TMEM101: variants seen among roughly 807,000 people sequenced by gnomAD.
TMEM101 encodes the protein transmembrane protein 101.
A neutral mutation model predicts 26.0 loss-of-function variants in TMEM101; 14 were observed. The observed-to-expected ratio is 0.54, with a 90% CI of 0.36 to 0.84. The LOEUF (loss-of-function observed/expected upper bound fraction) is 0.84, where lower values mean the gene tolerates loss of function less well. Ranked by LOEUF, TMEM101 falls within the 40% of genes least tolerant of loss-of-function variation. The pLI is 0.01. For missense variants in TMEM101, 292 were observed against 345.1 expected (o/e 0.85, Z 1.22); for synonymous variants, 152 against 145.1 (o/e 1.05, Z -0.34).
In TMEM101 at chr17:44,014,357, C is replaced by CTTCA. The variant is rs1567946956; in HGVS notation, c.314_317dup (p.Lys106AsnfsTer115). On this transcript the variant is annotated frameshift_variant and splice_region_variant, in exon 2 of 4. Transcript: ENST00000206380. LOFTEE classifies it high-confidence loss of function. ...ACCCTTTTGGGGCCGAGGCGCTCAC[C>CTTCA]TTCAGCCAGTCCCCGTAGTGGACGT... 1 of 1,550,548 alleles carries CTTCA rather than the reference C, an allele frequency of 6.4e-7. No individual in the cohort carries two copies. Among genetic ancestry groups the CTTCA allele is most frequent in the South Asian group, 1.2e-5 (1 of 84,160 alleles).
At chr17:44,015,092 G>C (rs1228173081), upstream of TMEM101, 2 of 1,229,432 alleles carry the variant, frequency 1.6e-6, no homozygotes, top group Non-Finnish European at 2.2e-6. Flanking sequence ...CGGATCTAAG[G>C]TGACCCAGTT....
At chr17:44,022,575 C>T (rs370628335) in intron 1 of TMEM101, among the ~76,000 whole-genome samples, 3 of 152,238 alleles carry the variant, frequency 2.0e-5, no homozygotes, top group African/African-American at 7.2e-5. Context: ...GCACCATCCA[C>T]GCAGGGAAAT....
chr17:44,017,987 T>C (rs552788576), upstream of TMEM101, among the ~76,000 whole-genome samples: 1 of 152,188 alleles, frequency 6.6e-6, no homozygotes, highest in East Asian at 1.9e-4. Context: ...TAGCTGGGCA[T>C]GGTGGCGGGA....
At chr17:44,017,319 G>C (rs1437581212), upstream of TMEM101, among the ~76,000 whole-genome samples, 1 of 151,848 alleles carries the variant, frequency 6.6e-6, no homozygotes, top group Non-Finnish European at 1.5e-5. Flanking sequence ...AAAAAATTAG[G>C]CTGGGCACGG....
In TMEM101 at chr17:44,013,728, G is replaced by A. The variant is rs564721269; in HGVS notation, c.319-573C>T. Among the ~76,000 whole-genome samples the A allele has an allele frequency of 5.9e-5, 9 of 152,298 alleles. No individual in the cohort carries two copies. In the South Asian group the frequency reaches 1.9e-3, roughly 32 times the overall value. ...GTAAGTGGCAGAACCCAGACACAAT[G>A]TGTTTCTCCCTTCCCCACTCTCAGA... On this transcript the variant is annotated intron_variant, in intron 2 of 3. Transcript: ENST00000206380.
upstream of TMEM101, chr17:44,015,010 T>C: frequency 6.5e-7 from 1 of 1,550,256 alleles, no homozygotes; most frequent in South Asian, 1.2e-5. Context: ...GGCGCGGGGA[T>C]GGGACACGCA....
chr17:44,014,824 C>T lies in TMEM101; in HGVS notation c.129G>A (p.Glu43=), dbSNP rs1276214467. ...SQLMLYAERA[E]ARRKPDIPVP... is the part of the protein sequence containing the mutation. The stretch of plus-strand genomic sequence containing the variant: ...TGCGTAGGCCTGCTCACCGGCGTGC[C>T]TCAGCCCTCTCAGCGTACAGCATGA... Residue 43 remains glutamate (E), a synonymous_variant, in exon 1 of 4, where the codon GAG becomes GAA. Coordinates refer to ENST00000206380, the MANE Select transcript of TMEM101 (RefSeq NM_032376.4). 1.3e-6 allele frequency: 2 copies of T among 1,590,716 alleles called. No homozygotes were observed. The highest frequency in any genetic ancestry group is 1.7e-6 in the Non-Finnish European group (2 of 1,166,542).
At chr17:44,017,602 A>C (rs1036156047), upstream of TMEM101, among the ~76,000 whole-genome samples, 8 of 150,326 alleles carry the variant, frequency 5.3e-5, 1 homozygote, top group Middle Eastern at 3.4e-3. Flanking sequence ...TCAAAAAAAA[A>C]AAAAAAAAAA....
Position 44,012,117 on chromosome 17 carries a change from CAGAA to C in TMEM101, c.581_584del (p.Phe194CysfsTer6), listed in dbSNP as rs745746454. The C allele has an allele frequency of 3.1e-6, 5 of 1,614,258 alleles. No individual in the cohort carries two copies. The highest frequency in any genetic ancestry group is 2.2e-5 in the East Asian group (1 of 44,888). On this transcript the variant is annotated frameshift_variant, in exon 4 of 4. Coordinates refer to ENST00000206380, the MANE Select transcript of TMEM101 (RefSeq NM_032376.4). LOFTEE classifies it high-confidence loss of function. ...CAGCGAGGGTCACGTAGTAGCCTGA[CAGAA>C]AGGCCAGGGCCAGGATGCCATACAG...
At chr17:44,021,301 C>CT (rs1446759054) in intron 2 of TMEM101, 1 of 152,204 alleles carries the variant, frequency 6.6e-6, no homozygotes, top group African/African-American at 2.4e-5. Flanking sequence ...CCGGTAATCA[C>CT]TATCAATTAT....
upstream of TMEM101, among the ~76,000 whole-genome samples, chr17:44,018,816 T>C (rs1478820606): frequency 2.0e-5 from 3 of 152,198 alleles, no homozygotes; most frequent in Non-Finnish European, 4.4e-5. Flanking sequence ...CTTGCCTTGG[T>C]ACCCACTGCG....
chr17:44,014,742 C>T, intron 1 of TMEM101, 74 bp downstream of exon 1: 1 of 1,515,274 alleles, frequency 6.6e-7, no homozygotes, highest in Non-Finnish European at 8.8e-7. Context: ...TCAAGGGTCC[C>T]GACTTCTAGC....
intron 2 of TMEM101, among the ~76,000 whole-genome samples, chr17:44,013,855 C>G (rs2049192981): frequency 6.6e-6 from 1 of 152,194 alleles, no homozygotes; most frequent in Non-Finnish European, 1.5e-5. Context: ...ACATCTTCCT[C>G]CCCTAAGGGT....
chr17:44,011,286 C>G lies in TMEM101; in HGVS notation c.*642G>C, dbSNP rs1333649979. On this transcript the variant is annotated 3_prime_UTR_variant, in exon 4 of 4. Coordinates refer to ENST00000206380, the MANE Select transcript of TMEM101 (RefSeq NM_032376.4). ...CCAACCATGGAGCTAGAAACAGAGA[C>G]AGCAGGAAGGGCAAAGCTGGCCACT... 1 of 152,372 alleles carries G rather than the reference C, an allele frequency of 6.6e-6. No individual in the cohort carries two copies. Among genetic ancestry groups the G allele is most frequent in the African/African-American group, 2.4e-5 (1 of 41,466 alleles). 9.4% of individuals were successfully genotyped at this position (152,372 alleles called of 1,614,324 possible).
At chr17:44,018,467 T>G (rs2049255107), upstream of TMEM101, among the ~76,000 whole-genome samples, 1 of 152,166 alleles carries the variant, frequency 6.6e-6, no homozygotes. Flanking sequence ...ATTTTGTCTA[T>G]CTCTACCCAC....
upstream of TMEM101, among the ~76,000 whole-genome samples, chr17:44,018,944 G>A (rs534724835): frequency 1.3e-4 from 20 of 152,284 alleles, no homozygotes; most frequent in African/African-American, 4.6e-4. Context: ...TGGGACAGAT[G>A]CTGGCATGCT....
chr17:44,012,207 GTCC>G lies in TMEM101; in HGVS notation c.492_494del (p.Glu164del). 1 of 1,613,800 alleles carries G rather than the reference GTCC, an allele frequency of 6.2e-7. No individual in the cohort carries two copies. Among genetic ancestry groups the G allele is most frequent in the South Asian group, 1.1e-5 (1 of 91,062 alleles). On this transcript the variant is annotated inframe_deletion, in exon 4 of 4. Transcript: ENST00000206380. ...GGAGATGGTTCAGATACGCCAGCCG[GTCC>G]TCCTTGCTGTGCTGCAGTGAGTAGG...
At chr17:44,018,035 G>T (rs1238631180), upstream of TMEM101, among the ~76,000 whole-genome samples, 2 of 152,192 alleles carry the variant, frequency 1.3e-5, no homozygotes, top group Non-Finnish European at 2.9e-5. Context: ...TGAGGCAGAA[G>T]GATCGCTTGA....
At chr17:44,022,575 C>A (rs370628335) in intron 1 of TMEM101, among the ~76,000 whole-genome samples, 2 of 152,238 alleles carry the variant, frequency 1.3e-5, no homozygotes, top group African/African-American at 4.8e-5. Flanking sequence ...GCACCATCCA[C>A]GCAGGGAAAT....
Sources: allele counts gnomAD v4.1 joint callset (sites outside exome capture counted in the v4.1 genomes callset), GRCh38; gene constraint gnomAD v4.1.1; transcripts MANE v1.5; gene names NCBI Gene and HGNC (gene_info 2026-07-23, HGNC 2026-07-21).